TMEM266: variants seen among roughly 807,000 people sequenced by gnomAD.
The protein encoded by TMEM266 is transmembrane protein 266.
Under a neutral mutation model 50.5 loss-of-function variants are expected in TMEM266, and 33 were observed. The observed-to-expected ratio is 0.65, with a 90% CI of 0.50 to 0.87. The LOEUF (loss-of-function observed/expected upper bound fraction) is 0.87. Ranked by LOEUF, TMEM266 falls within the 40% of genes least tolerant of loss-of-function variation. TMEM266 has a pLI of 0.00. For missense variants in TMEM266, 655 were observed against 695.1 expected (o/e 0.94, Z 0.65); for synonymous variants, 310 against 292.3 (o/e 1.06, Z -0.62).
At chr15:76,191,875 G>C in intron 8 of TMEM266, 93 bp from the exon 9 acceptor site, 518 of 935,806 alleles carry the variant, frequency 5.5e-4, no homozygotes, top group Non-Finnish European at 6.8e-4. Context: ...TCCCCACCCC[G>C]CCCCCATGCA....
intron 1 of TMEM266, among the ~76,000 whole-genome samples, chr15:76,098,998 G>C (rs367652427): frequency 5.6e-4 from 86 of 152,282 alleles, no homozygotes; most frequent in African/African-American, 2.0e-3. Context: ...CAAACTAGTG[G>C]ATCTTACTTT....
At chr15:76,203,142 A>G (rs1185659664) in intron 10 of TMEM266, among the ~76,000 whole-genome samples, 1 of 152,170 alleles carries the variant, frequency 6.6e-6, no homozygotes, top group Admixed American at 6.5e-5. Flanking sequence ...ATGCATGCTA[A>G]GCAGGCTCTG....
chr15:76,065,464 C>G lies in TMEM266; in HGVS notation c.-97+5448C>G, dbSNP rs2036395559. Reference sequence around the variant, plus strand: ...TTGAAATGCTGTCTGTCGGCAGCTCCTTCCTAGCGGTGTCCGTGTCTATCT... The same window carrying G: ...TTGAAATGCTGTCTGTCGGCAGCTCGTTCCTAGCGGTGTCCGTGTCTATCT... On this transcript the variant is annotated intron_variant, in intron 1 of 10. Transcript: ENST00000388942. 2.0e-5 allele frequency among the ~76,000 whole-genome samples: 3 copies of G among 151,610 alleles called. No individual in the cohort carries two copies. The South Asian group carries it at 6.2e-4, about 31-fold the overall frequency.
chr15:76,139,089 G>GAACA lies in TMEM266; in HGVS notation c.227+1195_227+1198dup, dbSNP rs1289269508. Among the ~76,000 whole-genome samples the GAACA allele has an allele frequency of 2.6e-5, 4 of 152,110 alleles. No individual in the cohort carries two copies. Among genetic ancestry groups the GAACA allele is most frequent in the Non-Finnish European group, 5.9e-5 (4 of 68,028 alleles). On this transcript the variant is annotated intron_variant, in intron 3 of 10. Coordinates refer to ENST00000388942, the MANE Select transcript of TMEM266 (RefSeq NM_152335.3). The surrounding 1 kb of genome is among the most constrained non-coding windows in gnomAD (Gnocchi z 4.1). ...TTCCTGGGTGCCAGTAAACACTTTG[G>GAACA]AACATGCTGGCTGCTTTGAATATAA...
At chr15:76,089,483 G>A (rs1423401970) in intron 1 of TMEM266, among the ~76,000 whole-genome samples, 3 of 152,146 alleles carry the variant, frequency 2.0e-5, no homozygotes, top group South Asian at 2.1e-4. Flanking sequence ...TTGAGCCACC[G>A]CGCCCAGCCC....
intron 3 of TMEM266, among the ~76,000 whole-genome samples, chr15:76,144,245 C>T (rs577864432): frequency 7.2e-5 from 11 of 152,274 alleles, no homozygotes; most frequent in Non-Finnish European, 1.3e-4. Flanking sequence ...CATTTTGGCT[C>T]ATTTTAACAA....
chr15:76,062,045 T>G (rs996913428), intron 1 of TMEM266, among the ~76,000 whole-genome samples: 1 of 152,224 alleles, frequency 6.6e-6, no homozygotes, highest in African/African-American at 2.4e-5. Context: ...TTAAAGTGCA[T>G]TATTATAATG....
chr15:76,090,042 C>A (rs931262881), intron 1 of TMEM266, among the ~76,000 whole-genome samples: 2 of 152,140 alleles, frequency 1.3e-5, no homozygotes, highest in Non-Finnish European at 2.9e-5. Flanking sequence ...TTTGGATAGA[C>A]TAATTTTGAA....
At position 76,161,801 on chromosome 15, in the gene TMEM266, C is replaced by T. The variant is rs1396772357; in HGVS notation, c.456+1633C>T. Among the ~76,000 whole-genome samples, 1 of 152,196 alleles carries T rather than the reference C, an allele frequency of 6.6e-6. No homozygotes were observed. Among genetic ancestry groups the T allele is most frequent in the African/African-American group, 2.4e-5 (1 of 41,438 alleles). ...CCATGTGGGTCTTGCCCTCCCTGGC[C>T]TCTTGTCTCTGCCCGGCCAGGATTC... is the stretch of plus-strand genomic sequence containing the variant. On this transcript the variant is annotated intron_variant, in intron 5 of 10. Coordinates refer to ENST00000388942, the MANE Select transcript of TMEM266 (RefSeq NM_152335.3). This position sits in a 1 kb window ranked among gnomAD's most constrained non-coding sequence, Gnocchi z 4.1.
At chr15:76,074,249 T>A (rs1268829428) in intron 1 of TMEM266, among the ~76,000 whole-genome samples, 3 of 152,144 alleles carry the variant, frequency 2.0e-5, no homozygotes, top group Admixed American at 2.0e-4. Flanking sequence ...AAATGATATT[T>A]TATTTTTCAT....
At chr15:76,135,940 G>GA (rs774348872) in intron 2 of TMEM266, among the ~76,000 whole-genome samples, 195 of 144,554 alleles carry the variant, frequency 1.3e-3, no homozygotes, top group Non-Finnish European at 2.3e-3. Context: ...CTGCAGCTGT[G>GA]GGTTTTTTTT....
Position 76,204,484 on chromosome 15 carries a change from A to G in TMEM266, c.*169A>G, listed in dbSNP as rs373390322. ...GCCAGGCCAGGAGGCCACAAGCTTC[A>G]GACCTCAAAGCCCAGAGCTGGCGCC... On this transcript the variant is annotated 3_prime_UTR_variant, in exon 11 of 11. Transcript: ENST00000388942. 1.3e-4 allele frequency: 76 copies of G among 594,732 alleles called. 1 individual carries two copies. The highest frequency in any genetic ancestry group is 1.0e-3 in the East Asian group (36 of 35,178). The allele number at this position is 594,732 out of a possible 1,614,324, so 36.8% of individuals were successfully genotyped here. A position where few individuals can be genotyped will look rare whatever the true frequency, so the allele number is the denominator to read the frequency against.
chr15:76,090,067 T>G (rs1278542311), intron 1 of TMEM266, among the ~76,000 whole-genome samples: 1 of 152,176 alleles, frequency 6.6e-6, no homozygotes, highest in Non-Finnish European at 1.5e-5. Context: ...GTGTGTGACA[T>G]TTAGTGCTTT....
At chr15:76,174,596 C>T (rs1255741565) in intron 7 of TMEM266, among the ~76,000 whole-genome samples, 2 of 152,168 alleles carry the variant, frequency 1.3e-5, no homozygotes, top group African/African-American at 4.8e-5. Context: ...CAGAGTTCTG[C>T]AGCCATCACC....
At chr15:76,095,494 T>C (rs2036909560) in intron 1 of TMEM266, among the ~76,000 whole-genome samples, 1 of 152,106 alleles carries the variant, frequency 6.6e-6, no homozygotes. Context: ...AGCTTTTTGA[T>C]GTGCTGCTGG....
At chr15:76,195,861 A>G (rs900670950) in intron 9 of TMEM266, among the ~76,000 whole-genome samples, 10 of 152,222 alleles carry the variant, frequency 6.6e-5, no homozygotes, top group African/African-American at 2.4e-4. Context: ...CTGGGCTTGG[A>G]GGTTCCACAA....
At chr15:76,147,886 G>A (rs1160743943) in intron 3 of TMEM266, among the ~76,000 whole-genome samples, 1 of 152,230 alleles carries the variant, frequency 6.6e-6, no homozygotes, top group Non-Finnish European at 1.5e-5. Context: ...TTAGCCAGGC[G>A]TGGTGGTGCG....
intron 1 of TMEM266, among the ~76,000 whole-genome samples, chr15:76,076,789 A>G (rs755496201): frequency 3.3e-5 from 5 of 152,120 alleles, no homozygotes; most frequent in Non-Finnish European, 5.9e-5. Context: ...ATGCAAGAGT[A>G]TTTAATAGCA....
intron 1 of TMEM266, among the ~76,000 whole-genome samples, chr15:76,123,687 A>G (rs1461765655): frequency 6.6e-6 from 1 of 151,998 alleles, no homozygotes; most frequent in African/African-American, 2.4e-5. Flanking sequence ...TTATGGAAAC[A>G]ATATGCCTAT....
Sources: allele counts gnomAD v4.1 joint callset (sites outside exome capture counted in the v4.1 genomes callset), GRCh38; gene constraint gnomAD v4.1.1; non-coding constraint Gnocchi (gnomAD v3.1); transcripts MANE v1.5; gene names NCBI Gene and HGNC (gene_info 2026-07-23, HGNC 2026-07-21).